The following ITIH5 variants were observed in gnomAD, a reference collection of about 807,000 sequenced individuals.
ITIH5 encodes inter-alpha-trypsin inhibitor heavy chain H5.
A neutral mutation model predicts 77.5 loss-of-function variants in ITIH5; 65 were observed. The observed-to-expected ratio is 0.84, with a 90% CI of 0.69 to 1.03. The LOEUF is 1.03. Among genes scored for constraint, ITIH5 ranks in the 50% least tolerant of loss-of-function variants. The pLI, the probability that ITIH5 is intolerant of heterozygous loss-of-function variation, is 0.00. For synonymous variants in ITIH5, 525 were observed against 494.3 expected (o/e 1.06, Z -0.82); for missense variants, 1,208 against 1,213.1 (o/e 1.00, Z 0.06).
chr10:7,582,791 G>A (rs12573731), intron 8 of ITIH5, among the ~76,000 whole-genome samples: 13,090 of 152,186 alleles, frequency 0.086, 886 homozygotes, highest in East Asian at 0.4. Context: ...AAATTAAAAC[G>A]ATTGAACTTA....
chr10:7,654,834 T>C (rs535579403), intron 2 of ITIH5, among the ~76,000 whole-genome samples: 1 of 152,078 alleles, frequency 6.6e-6, no homozygotes, highest in South Asian at 2.1e-4. Flanking sequence ...ACATATGTCA[T>C]TGTCTAGGAT....
At chr10:7,650,705 C>T (rs1351800982) in intron 2 of ITIH5, among the ~76,000 whole-genome samples, 1 of 150,476 alleles carries the variant, frequency 6.6e-6, no homozygotes, top group Non-Finnish European at 1.5e-5. Context: ...CATTGCACTC[C>T]AGCCTGGGTG....
intron 7 of ITIH5, among the ~76,000 whole-genome samples, chr10:7,603,310 G>A (rs967290651): frequency 2.6e-5 from 4 of 152,200 alleles, no homozygotes; most frequent in African/African-American, 4.8e-5. Flanking sequence ...GCCGCACACT[G>A]TGTAACTCCA....
Position 7,580,021 on chromosome 10 carries a change from G to A in ITIH5, c.1152C>T (p.Leu384=). The A allele has an allele frequency of 6.2e-7, 1 of 1,612,708 alleles. No homozygotes were observed. The highest frequency in any genetic ancestry group is 8.5e-7 in the Non-Finnish European group (1 of 1,179,654). Reference sequence around the variant, plus strand: ...TGCCACTGTGGGCCACGTACTTGTTGAGGAGCCTGATGGCCCTCTGCAGGG... The same window carrying A: ...TGCCACTGTGGGCCACGTACTTGTTAAGGAGCCTGATGGCCCTCTGCAGGG... ...NGALQRAIRL[L]NKYVAHSGIG... is the part of the protein sequence containing the mutation. Residue 384 remains leucine (L), a synonymous_variant, in exon 9 of 14, where the codon CTC becomes CTT. Transcript: ENST00000397146.
intron 7 of ITIH5, among the ~76,000 whole-genome samples, chr10:7,595,100 T>A (rs1441945236): frequency 6.6e-6 from 1 of 152,154 alleles, no homozygotes; most frequent in African/African-American, 2.4e-5. Context: ...ATGGCTGTGG[T>A]CCCAGCTATT....
chr10:7,649,358 T>G (rs1301785039), intron 2 of ITIH5, among the ~76,000 whole-genome samples: 1 of 152,120 alleles, frequency 6.6e-6, no homozygotes, highest in East Asian at 1.9e-4. Flanking sequence ...GAGTTTCTAT[T>G]TAGATCATGA....
At chr10:7,613,907 C>T (rs887430916) in intron 7 of ITIH5, among the ~76,000 whole-genome samples, 8 of 152,178 alleles carry the variant, frequency 5.3e-5, no homozygotes, top group African/African-American at 1.9e-4. Context: ...CACCTCCATC[C>T]CTGAAAATGG....
intron 8 of ITIH5, among the ~76,000 whole-genome samples, chr10:7,580,942 C>T (rs1832538916): frequency 6.6e-6 from 1 of 152,066 alleles, no homozygotes; most frequent in African/African-American, 2.4e-5. Flanking sequence ...CTTCAGAGGC[C>T]CTTGTCAGCA....
rs760673521 is a variant in ITIH5, at chr10:7,569,693, C to T, written c.2124G>A (p.Arg708=). The change falls in exon 12 of 14, where the codon AGG becomes AGA. Residue 708 remains arginine (R), a synonymous_variant. Transcript: ENST00000397146. ...CAGAGTCCCTGTGATCAGAGACCAG[C>T]CTGAGGATGTCCCCGGGCTGCCCAT... ...NIDGQPGDIL[R]LVSDHRDSGV... 5.0e-6 allele frequency: 8 copies of T among 1,611,188 alleles called. No homozygotes were observed. In the Admixed American group the frequency reaches 1.3e-4, roughly 27 times the overall value.
At chr10:7,616,639 C>T (rs556005398) in intron 6 of ITIH5, among the ~76,000 whole-genome samples, 16 of 152,078 alleles carry the variant, frequency 1.1e-4, no homozygotes, top group Admixed American at 5.9e-4. Flanking sequence ...ACCAGGCTGA[C>T]CACCATGGCA....
intron 2 of ITIH5, among the ~76,000 whole-genome samples, chr10:7,652,625 A>G (rs1209032551): frequency 6.6e-6 from 1 of 152,228 alleles, no homozygotes; most frequent in Non-Finnish European, 1.5e-5. Context: ...GGTCTAAGCT[A>G]AGGAGTCAAG....
At chr10:7,639,088 T>C (rs1001540143) in intron 4 of ITIH5, among the ~76,000 whole-genome samples, 1 of 152,226 alleles carries the variant, frequency 6.6e-6, no homozygotes, top group Non-Finnish European at 1.5e-5. Flanking sequence ...CTCTGAACAA[T>C]TGTGATAAAG....
intron 11 of ITIH5, chr10:7,572,168 C>T (rs1832313903): frequency 1.7e-6 from 2 of 1,187,692 alleles, no homozygotes; most frequent in African/African-American, 3.2e-5. Flanking sequence ...TGTGCGGACT[C>T]TATATCCACA....
chr10:7,592,043 G>GT (rs1264678003), intron 7 of ITIH5, among the ~76,000 whole-genome samples: 4 of 151,874 alleles, frequency 2.6e-5, no homozygotes. Flanking sequence ...GCTGATTTTA[G>GT]TATTTTTAGT....
At chr10:7,570,112 A>G (rs1832268014) in intron 11 of ITIH5, 1 of 180,170 alleles carries the variant, frequency 5.6e-6, no homozygotes, top group Admixed American at 6.1e-5. Context: ...CACACCTTCA[A>G]CTGGTACTCA....
At chr10:7,593,435 C>G in intron 7 of ITIH5, among the ~76,000 whole-genome samples, 1 of 58,960 alleles carries the variant, frequency 1.7e-5, no homozygotes, top group Non-Finnish European at 4.1e-5. Context: ...CCCACTCACC[C>G]CTGCAGACTG....
chr10:7,644,559 T>TATATATGATATATCAC (rs1833952509), intron 2 of ITIH5, among the ~76,000 whole-genome samples: 2 of 135,624 alleles, frequency 1.5e-5, no homozygotes, highest in African/African-American at 5.6e-5. Context: ...ATATATCACA[T>TATATATGATATATCAC]ATATATGATA....
rs543067843 is a variant in ITIH5, at chr10:7,580,484, A to T, written c.1109-420T>A. On this transcript the variant is annotated intron_variant, in intron 8 of 13. Coordinates refer to ENST00000397146, the MANE Select transcript of ITIH5 (RefSeq NM_030569.7). ...CAAATGCTCACAGGAGTGAGGTGTT[A>T]AGGGGCCATCCAGAAACTTGCTAAA... is the stretch of plus-strand genomic sequence containing the variant. Among the ~76,000 whole-genome samples the T allele has an allele frequency of 2.6e-5, 4 of 152,342 alleles. No individual in the cohort carries two copies. In the East Asian group the frequency reaches 7.7e-4, roughly 29 times the overall value.
chr10:7,607,611 C>T (rs1833150402), intron 7 of ITIH5, among the ~76,000 whole-genome samples: 1 of 152,176 alleles, frequency 6.6e-6, no homozygotes, highest in Non-Finnish European at 1.5e-5. Context: ...GTCAGGAGTT[C>T]GAGATCAGCC....
Sources: allele counts gnomAD v4.1 joint callset (sites outside exome capture counted in the v4.1 genomes callset), GRCh38; gene constraint gnomAD v4.1.1; transcripts MANE v1.5; gene names NCBI Gene and HGNC (gene_info 2026-07-23, HGNC 2026-07-21).